Variants in CASP10 observed in about 807,000 individuals in gnomAD.
CASP10 encodes caspase-10.
In CASP10, 41 loss-of-function variants were observed where a neutral mutation model predicts 48.5. The ratio of observed to expected loss-of-function variants is 0.85; its 90% CI spans 0.66 to 1.10. The LOEUF (loss-of-function observed/expected upper bound fraction) is 1.10. Among genes scored for constraint, CASP10 ranks in the 50% least tolerant of loss-of-function variants. CASP10 has a pLI of 0.00. For missense variants in CASP10, 614 were observed against 614.5 expected (o/e 1.00, Z 0.01); for synonymous variants, 232 against 238.4 (o/e 0.97, Z 0.25).
downstream of CASP10, among the ~76,000 whole-genome samples, chr2:201,223,473 A>G (rs1945750405): frequency 6.6e-6 from 1 of 152,184 alleles, no homozygotes; most frequent in Non-Finnish European, 1.5e-5. Flanking sequence ...AATTCTTTGT[A>G]TCTCTGGATT....
intron 7 of CASP10, chr2:201,206,213 A>G (rs2126042523): frequency 2.4e-6 from 1 of 408,246 alleles, no homozygotes; most frequent in South Asian, 2.4e-5. Context: ...AAATGCTGTT[A>G]CACTTTGAGT....
In CASP10 at chr2:201,208,055, G is replaced by A. The variant is rs775092096; in HGVS notation, c.814-20G>A. Reference sequence around the variant, plus strand: ...CCTAAGATAAGGATTCCTACTAAGTGGCTCTATCTATTCTTCAAGAGGGCA... The same window carrying A: ...CCTAAGATAAGGATTCCTACTAAGTAGCTCTATCTATTCTTCAAGAGGGCA... On this transcript the variant is annotated intron_variant, in intron 7 of 9. Coordinates refer to ENST00000286186, the MANE Select transcript of CASP10 (RefSeq NM_032977.4). The A allele has an allele frequency of 6.4e-7, 1 of 1,561,002 alleles. No homozygotes were observed. The highest frequency in any genetic ancestry group is 2.2e-5 in the East Asian group (1 of 44,604).
chr2:201,211,832 A>T (rs1466734902), intron 9 of CASP10, among the ~76,000 whole-genome samples: 1 of 152,208 alleles, frequency 6.6e-6, no homozygotes. Context: ...TTTCAATACC[A>T]CCAACAGTGT....
intron 9 of CASP10, 48 bp from the exon 10 acceptor site, chr2:201,217,540 C>G (rs1298555918): frequency 3.1e-6 from 4 of 1,295,232 alleles, no homozygotes; most frequent in African/African-American, 1.5e-5. Flanking sequence ...GCCTGGGCGA[C>G]AGAGTGAGAC....
Position 201,209,128 on chromosome 2 carries a change from G to A in CASP10, c.981G>A (p.Val327=). 6.2e-7 allele frequency: 1 copy of A among 1,609,500 alleles called. No individual in the cohort carries two copies. The highest frequency in any genetic ancestry group is 1.1e-5 in the South Asian group (1 of 90,924). Residue 327 remains valine, a synonymous_variant, in exon 9 of 10, where the codon GTG becomes GTA. Coordinates refer to ENST00000286186, the MANE Select transcript of CASP10 (RefSeq NM_032977.4). Reference sequence around the variant, plus strand: ...TCACAGTGCATATACACAATAATGTGACGAAAGTGGAAATGGAGATGGTCC... The same window carrying A: ...TCACAGTGCATATACACAATAATGTAACGAAAGTGGAAATGGAGATGGTCC... ...LGFTVHIHNN[V]TKVEMEMVLQ...
At chr2:201,228,169 G>C (rs900530637) in intron 9 of CASP10, among the ~76,000 whole-genome samples, 3 of 152,056 alleles carry the variant, frequency 2.0e-5, no homozygotes, top group Admixed American at 6.6e-5. Context: ...AACCCTGTCT[G>C]TACTAAAAAT....
At chr2:201,191,968 T>C (rs1006909112) in intron 3 of CASP10, among the ~76,000 whole-genome samples, 6 of 152,266 alleles carry the variant, frequency 3.9e-5, no homozygotes, top group African/African-American at 1.4e-4. Context: ...CCAGGTCCCA[T>C]TTAAGTATGT....
At position 201,220,894 on chromosome 2, in the gene CASP10, G is replaced by A. The variant is rs904059899; in HGVS notation, c.*3153G>A. ...AAGAGCAAAGGATCTGGAGATCAAA[G>A]CCCTGCATTTCCATTTTGTCCTGAT... On this transcript the variant is annotated 3_prime_UTR_variant, in exon 10 of 10. Coordinates refer to ENST00000286186, the MANE Select transcript of CASP10 (RefSeq NM_032977.4). 24 of 985,332 alleles carry A rather than the reference G, an allele frequency of 2.4e-5. No homozygotes were observed. Among genetic ancestry groups the A allele is most frequent in the South Asian group, 1.4e-4 (3 of 21,292 alleles). The allele number at this position is 985,332 out of a possible 1,614,324, so 61.0% of individuals were successfully genotyped here. A position where few individuals can be genotyped will look rare whatever the true frequency, so the allele number is the denominator to read the frequency against.
chr2:201,217,900 C>A lies in CASP10; in HGVS notation c.*159C>A. 1 of 1,545,008 alleles carries A rather than the reference C, an allele frequency of 6.5e-7. No individual in the cohort carries two copies. Among genetic ancestry groups the A allele is most frequent in the Non-Finnish European group, 8.7e-7 (1 of 1,149,542 alleles). On this transcript the variant is annotated 3_prime_UTR_variant, in exon 10 of 10. Transcript: ENST00000286186. Reference sequence around the variant, plus strand: ...CAATTCTGATTTTCTTTTTCTTTTGCAAGTCTAAATGTTAGAAAACTTTCT... The same window carrying A: ...CAATTCTGATTTTCTTTTTCTTTTGAAAGTCTAAATGTTAGAAAACTTTCT...
intron 9 of CASP10, among the ~76,000 whole-genome samples, chr2:201,216,124 AATG>A (rs1168805981): frequency 1.3e-5 from 2 of 151,044 alleles, no homozygotes; most frequent in Non-Finnish European, 3.0e-5. Flanking sequence ...TATTTAAGTT[AATG>A]ATATTTTAAT....
chr2:201,209,921 C>T (rs547797491), intron 9 of CASP10, among the ~76,000 whole-genome samples: 5 of 152,248 alleles, frequency 3.3e-5, no homozygotes, highest in East Asian at 1.9e-4. Context: ...AACAAATAGA[C>T]GGGGAAGGGC....
intron 9 of CASP10, 147 bp downstream of exon 9, chr2:201,209,709 A>T: frequency 1.3e-6 from 1 of 767,216 alleles, no homozygotes; most frequent in African/African-American, 1.8e-5. Flanking sequence ...CCTCCTGTTT[A>T]TCTATTTATC....
chr2:201,197,296 C>G (rs1944834625), intron 5 of CASP10, among the ~76,000 whole-genome samples: 1 of 152,002 alleles, frequency 6.6e-6, no homozygotes, highest in Non-Finnish European at 1.5e-5. Context: ...ATAATGAAAC[C>G]AATTTTACCA....
In CASP10 at chr2:201,193,064, C is replaced by G. The variant is rs1232466545; in HGVS notation, c.522C>G (p.Cys174Trp). The change falls in exon 4 of 10, where the codon TGC becomes TGG. Residue 174 changes from cysteine to tryptophan, a missense_variant. Transcript: ENST00000286186. The part of the protein sequence containing the change: ...EDNLTCLEDL[C>W]KTVVPKLLRN... ...ATCTGACATGCCTGGAGGACCTCTG[C>G]AAAACAGTTGTACCTAAACTTTTGA... The G allele has an allele frequency of 1.9e-6, 3 of 1,613,656 alleles. No individual in the cohort carries two copies. The highest frequency in any genetic ancestry group is 2.5e-6 in the Non-Finnish European group (3 of 1,179,776).
intron 7 of CASP10, among the ~76,000 whole-genome samples, chr2:201,207,551 G>A (rs564770379): frequency 6.6e-6 from 1 of 152,208 alleles, no homozygotes; most frequent in Non-Finnish European, 1.5e-5. Context: ...AAGGTCAAGA[G>A]ATCAAGACCA....
In CASP10 at chr2:201,205,920, A is replaced by G. The variant is rs781669542; in HGVS notation, c.760A>G (p.Arg254Gly). ...ATNGAPSLVS[R>G]GMQGASANTL... is the part of the protein sequence containing the mutation. ...AAATGGTGCACCAAGCCTGGTCTCCAGGGGGATGCAAGGAGCATCTGCTAA... is the reference window on the plus strand; with the variant it reads ...AAATGGTGCACCAAGCCTGGTCTCCGGGGGGATGCAAGGAGCATCTGCTAA... Residue 254 changes from arginine to glycine, a missense_variant, in exon 7 of 10, where the codon AGG (arginine) becomes GGG (glycine). Arg to Gly is a moderately radical substitution (Grantham distance 125). Coordinates refer to ENST00000286186, the MANE Select transcript of CASP10 (RefSeq NM_032977.4). 3 of 1,613,492 alleles carry G rather than the reference A, an allele frequency of 1.9e-6. No individual in the cohort carries two copies. In the Admixed American group the frequency reaches 5.0e-5, roughly 27 times the overall value.
At position 201,209,233 on chromosome 2, in the gene CASP10, A is replaced by G. The variant is rs369304578; in HGVS notation, c.1086A>G (p.Gly362=). The change falls in exon 9 of 10, where the codon GGA becomes GGG. Residue 362 remains glycine, a synonymous_variant. Transcript: ENST00000286186. The part of the protein sequence containing the change: ...VFCILTHGRF[G]AVYSSDEALI... Reference sequence around the variant, plus strand: ...GTATTCTGACCCATGGGAGATTTGGAGCTGTCTACTCTTCGGATGAGGCCC... The same window carrying G: ...GTATTCTGACCCATGGGAGATTTGGGGCTGTCTACTCTTCGGATGAGGCCC... The G allele has an allele frequency of 2.1e-5, 34 of 1,613,918 alleles. No individual in the cohort carries two copies. The highest frequency in any genetic ancestry group is 2.8e-5 in the Non-Finnish European group (33 of 1,180,000).
chr2:201,222,376 C>A (rs1368201256), downstream of CASP10, among the ~76,000 whole-genome samples: 3 of 152,110 alleles, frequency 2.0e-5, no homozygotes, highest in African/African-American at 7.2e-5. Flanking sequence ...ACCACCATGC[C>A]TGGCTAATTT....
chr2:201,194,284 A>G (rs1404876879), intron 4 of CASP10, among the ~76,000 whole-genome samples: 2 of 151,930 alleles, frequency 1.3e-5, no homozygotes, highest in African/African-American at 2.4e-5. Flanking sequence ...ATACATAAAA[A>G]CTCATGAGTG....
Sources: allele counts gnomAD v4.1 joint callset (sites outside exome capture counted in the v4.1 genomes callset), GRCh38; gene constraint gnomAD v4.1.1; transcripts MANE v1.5; gene names NCBI Gene and HGNC (gene_info 2026-07-23, HGNC 2026-07-21).